The following PLD5 variants were observed in gnomAD, a reference collection of about 807,000 sequenced individuals.
PLD5 encodes the protein phospholipase D family member 5, also known as inactive phospholipase D5.
In PLD5, 36 loss-of-function variants were observed where a neutral mutation model predicts 61.1. The observed-to-expected ratio is 0.59, with a 90% CI of 0.45 to 0.78. The LOEUF is 0.78. PLD5 is among the 30% of genes least tolerant of loss of function. The probability of loss-of-function intolerance (pLI) is 0.00; values close to 1 mark genes in which losing one functional copy is unlikely to be tolerated. For synonymous variants in PLD5, 243 were observed against 242.8 expected, an observed-to-expected ratio of 1.00 and a Z score of -0.01; for missense variants, 515 against 644.4, an observed-to-expected ratio of 0.80 and a Z score of 2.17.
At chr1:242,199,141 G>A (rs1203116093) in intron 5 of PLD5, among the ~76,000 whole-genome samples, 1 of 152,150 alleles carries the variant, frequency 6.6e-6, no homozygotes, top group Admixed American at 6.5e-5. Flanking sequence ...GCAATTTTAT[G>A]TGGCGGTTGG....
chr1:242,267,678 G>A (rs905445991), intron 3 of PLD5, among the ~76,000 whole-genome samples: 1 of 150,252 alleles, frequency 6.7e-6, no homozygotes, highest in African/African-American at 2.5e-5. Context: ...CCAGGAGTTC[G>A]AGACCAGCCT....
chr1:242,481,282 C>G (rs557721149), intron 1 of PLD5, among the ~76,000 whole-genome samples: 1 of 152,338 alleles, frequency 6.6e-6, no homozygotes, highest in South Asian at 2.1e-4. Context: ...CCGGGAAGTG[C>G]AAGGGGTCAG....
chr1:242,416,301 G>A (rs1257491248), intron 1 of PLD5, among the ~76,000 whole-genome samples: 1 of 152,078 alleles, frequency 6.6e-6, no homozygotes, highest in Admixed American at 6.5e-5. Flanking sequence ...ATGGATTCAT[G>A]AAGGTTGTAT....
At chr1:242,265,542 C>A (rs1558411385) in intron 3 of PLD5, 94 bp from the exon 4 acceptor site, 5 of 1,077,440 alleles carry the variant, frequency 4.6e-6, no homozygotes, top group Non-Finnish European at 5.2e-6. Context: ...TTAATCTATT[C>A]GTTCAAATGT....
chr1:242,218,662 A>G (rs1032974021), intron 5 of PLD5, among the ~76,000 whole-genome samples: 3 of 152,168 alleles, frequency 2.0e-5, no homozygotes, highest in Non-Finnish European at 2.9e-5. Flanking sequence ...GTAACTTAGC[A>G]CCCCAGAAAG....
In PLD5 at chr1:242,402,630, T is replaced by C. The variant is rs183168595; in HGVS notation, c.190-54388A>G. ...CTATAAAATGAATTTAATGTGTCTA[T>C]GAAAGCTACACCTTCATTTGCTATG... is the stretch of plus-strand genomic sequence containing the variant. On this transcript the variant is annotated intron_variant, in intron 1 of 9. Coordinates refer to ENST00000536534, the MANE Select transcript of PLD5 (RefSeq NM_001372062.1). Among the ~76,000 whole-genome samples the C allele has an allele frequency of 2.5e-3, 386 of 152,354 alleles. 3 individuals are homozygous for C. The highest frequency in any genetic ancestry group is 3.4e-3 in the Middle Eastern group (1 of 294).
At chr1:242,131,492 C>T (rs559411941) in intron 5 of PLD5, among the ~76,000 whole-genome samples, 10 of 152,104 alleles carry the variant, frequency 6.6e-5, no homozygotes, top group Non-Finnish European at 8.8e-5. Flanking sequence ...TTATAGTGCT[C>T]GCTGTGCTCC....
chr1:242,283,384 G>C (rs879371238), intron 3 of PLD5, among the ~76,000 whole-genome samples: 3 of 152,102 alleles, frequency 2.0e-5, no homozygotes, highest in Non-Finnish European at 4.4e-5. Context: ...GTGGTTTCTT[G>C]GTATATTTTC....
intron 2 of PLD5, among the ~76,000 whole-genome samples, chr1:242,291,756 G>A (rs1228580609): frequency 2.0e-5 from 3 of 152,188 alleles, no homozygotes; most frequent in South Asian, 2.1e-4. Flanking sequence ...GCAGTGAACC[G>A]AGATTGTACC....
At chr1:242,348,440 C>G (rs1399886188) in intron 1 of PLD5, among the ~76,000 whole-genome samples, 198 bp from the exon 2 acceptor site, 3 of 152,150 alleles carry the variant, frequency 2.0e-5, no homozygotes, top group Non-Finnish European at 4.4e-5. Flanking sequence ...AAACCCCACT[C>G]TAAGTGATAG....
intron 5 of PLD5, among the ~76,000 whole-genome samples, chr1:242,176,937 G>C (rs894499297): frequency 6.6e-6 from 1 of 152,226 alleles, no homozygotes; most frequent in African/African-American, 2.4e-5. Context: ...AGATGCTGGA[G>C]AGGATGTGGA....
rs1285957118 is a variant in PLD5, at chr1:242,089,117, G to T, written c.*737C>A. 2.6e-6 allele frequency: 1 copy of T among 388,000 alleles called. No homozygotes were observed. Among genetic ancestry groups the T allele is most frequent in the Non-Finnish European group, 4.6e-6 (1 of 219,776 alleles). 24.0% of individuals were successfully genotyped at this position (388,000 alleles called of 1,614,324 possible). A position where few individuals can be genotyped will look rare whatever the true frequency, so the allele number is the denominator to read the frequency against. On this transcript the variant is annotated 3_prime_UTR_variant, in exon 10 of 10. Coordinates refer to ENST00000536534, the MANE Select transcript of PLD5 (RefSeq NM_001372062.1). ...ATACCAATTCGGTAGGGGAAAAAAG[G>T]ATTCAGTTGAAAGGTGAAAATGAAA... is the stretch of plus-strand genomic sequence containing the variant.
intron 2 of PLD5, among the ~76,000 whole-genome samples, chr1:242,299,676 G>A (rs112424123): frequency 8.5e-5 from 13 of 152,202 alleles, no homozygotes; most frequent in Admixed American, 2.0e-4. Context: ...TTCCAGATTC[G>A]CTAGCAGAGT....
intron 2 of PLD5, among the ~76,000 whole-genome samples, chr1:242,330,331 C>G (rs1659092414): frequency 6.6e-6 from 1 of 152,136 alleles, no homozygotes; most frequent in Non-Finnish European, 1.5e-5. Flanking sequence ...GTTTGTGTCT[C>G]CTATCCCTCC....
intron 1 of PLD5, among the ~76,000 whole-genome samples, chr1:242,471,284 G>A (rs925266458): frequency 7.1e-4 from 107 of 151,736 alleles, no homozygotes; most frequent in African/African-American, 2.5e-3. Context: ...AATAATTTTG[G>A]AAAAAAAATC....
At position 242,090,257 on chromosome 1, in the gene PLD5, A is replaced by C. The variant is rs115584579; in HGVS notation, c.1355-147T>G. The C allele has an allele frequency of 6.5e-3, 6,788 of 1,047,422 alleles. 211 individuals carry two copies. The African/African-American group carries it at 0.074, about 11-fold the overall frequency. The allele number at this position is 1,047,422 out of a possible 1,614,324, so 64.9% of individuals were successfully genotyped here. On this transcript the variant is annotated intron_variant, in intron 9 of 9. Transcript: ENST00000536534. The stretch of plus-strand genomic sequence containing the variant: ...GCTGAATTGTGTTGACAGCTCCGAA[A>C]AAAAAATCCAAGAAGCCTTACATAT...
At chr1:242,203,150 G>A (rs867769751) in intron 5 of PLD5, among the ~76,000 whole-genome samples, 1 of 150,180 alleles carries the variant, frequency 6.7e-6, no homozygotes. Flanking sequence ...TTGCCTACCC[G>A]CCCCCGCCAC....
intron 5 of PLD5, among the ~76,000 whole-genome samples, chr1:242,144,588 C>G (rs1664416951): frequency 6.6e-6 from 1 of 152,008 alleles, no homozygotes; most frequent in African/African-American, 2.4e-5. Flanking sequence ...TGAGACCAAC[C>G]TGGCCAACAT....
chr1:242,257,028 C>T (rs1673094060), intron 4 of PLD5, among the ~76,000 whole-genome samples: 1 of 141,262 alleles, frequency 7.1e-6, no homozygotes, highest in Non-Finnish European at 1.5e-5. Flanking sequence ...TCTATATCTA[C>T]CTACCTACCT....
Sources: allele counts gnomAD v4.1 joint callset (sites outside exome capture counted in the v4.1 genomes callset), GRCh38; gene constraint gnomAD v4.1.1; transcripts MANE v1.5; gene names NCBI Gene and HGNC (gene_info 2026-07-23, HGNC 2026-07-21).